Variants in GALNT12 observed in about 807,000 individuals in gnomAD.
GALNT12 encodes the protein polypeptide N-acetylgalactosaminyltransferase 12, also known as UDP-GalNAc:polypeptide N-acetylgalactosaminyltransferase 12.
A neutral mutation model predicts 55.5 loss-of-function variants in GALNT12; 45 were observed. The observed-to-expected ratio is 0.81, with a 90% confidence interval of 0.64 to 1.04. The LOEUF (loss-of-function observed/expected upper bound fraction) is 1.04, where lower values mean the gene tolerates loss of function less well. Ranked by LOEUF, GALNT12 falls within the 50% of genes least tolerant of loss-of-function variation. GALNT12 has a pLI of 0.00. For missense variants in GALNT12, 709 were observed against 754.8 expected (o/e 0.94, Z 0.71); for synonymous variants, 304 against 312.2 (o/e 0.97, Z 0.28).
chr9:98,826,142 T>C (rs1404454436), intron 2 of GALNT12, among the ~76,000 whole-genome samples: 1 of 152,184 alleles, frequency 6.6e-6, no homozygotes, highest in Non-Finnish European at 1.5e-5. Context: ...GCAAGTTACT[T>C]AGCCTCTCCG....
intron 3 of GALNT12, among the ~76,000 whole-genome samples, chr9:98,828,309 C>T (rs1442223347): frequency 6.6e-6 from 1 of 152,222 alleles, no homozygotes; most frequent in African/African-American, 2.4e-5. Context: ...CTGTCTCTTT[C>T]TCCTCCTCAG....
Position 98,831,944 on chromosome 9 carries a change from G to A in GALNT12, c.904G>A (p.Val302Ile), listed in dbSNP as rs780195786. The change falls in exon 4 of 10, where the codon GTC becomes ATC. Residue 302 changes from valine (V) to isoleucine (I), a missense_variant. Val to Ile is a conservative substitution (Grantham distance 29). Transcript: ENST00000375011. The stretch of plus-strand genomic sequence containing the variant: ...GGAGAGGATACGGATGCAATCCCCC[G>A]TCGATGTCATCAGGTCAGGAGCTGA... ...ERERIRMQSP[V>I]DVIRSPTMAG... 104 of 1,613,740 alleles carry A rather than the reference G, an allele frequency of 6.4e-5. No individual in the cohort carries two copies. Among genetic ancestry groups the A allele is most frequent in the East Asian group, 3.3e-4 (15 of 44,866 alleles).
chr9:98,814,879 A>G (rs1187129253), intron 1 of GALNT12, among the ~76,000 whole-genome samples: 1 of 152,216 alleles, frequency 6.6e-6, no homozygotes, highest in Non-Finnish European at 1.5e-5. Context: ...GCACTCAACA[A>G]ATGGTACTGT....
At chr9:98,831,699 C>G in intron 3 of GALNT12, 73 bp from the exon 4 acceptor site, 1 of 1,535,650 alleles carries the variant, frequency 6.5e-7, no homozygotes, top group Non-Finnish European at 9.0e-7. Context: ...AGAATTCACC[C>G]TTGAATTTCC....
At position 98,830,605 on chromosome 9, in the gene GALNT12, C is replaced by T. The variant is rs533472413; in HGVS notation, c.732-1167C>T. On this transcript the variant is annotated intron_variant, in intron 3 of 9. Coordinates refer to ENST00000375011, the MANE Select transcript of GALNT12 (RefSeq NM_024642.5). ...AGTTCCTGGGGGAGCTGGCCTTTGCCAGGGGCCAGCTAGAACTTGCCCAGC... is the reference window on the plus strand; with the variant it reads ...AGTTCCTGGGGGAGCTGGCCTTTGCTAGGGGCCAGCTAGAACTTGCCCAGC... Among the ~76,000 whole-genome samples the T allele has an allele frequency of 7.9e-5, 12 of 152,356 alleles. No individual in the cohort carries two copies. The South Asian group carries it at 2.5e-3, about 32-fold the overall frequency.
rs765088669 is a variant in GALNT12 at position 98,823,311 on chromosome 9, G to A, written c.427G>A (p.Ala143Thr). The A allele has an allele frequency of 2.1e-5, 34 of 1,614,002 alleles. 1 individual carries two copies. The South Asian group carries it at 3.6e-4, about 17-fold the overall frequency. The change falls in exon 2 of 10, where the codon GCA becomes ACA. Residue 143 changes from alanine to threonine, a missense_variant. Ala to Thr is a moderately conservative substitution (Grantham distance 58). This residue lies in a region of GALNT12 where 315 missense variants were observed against 288.6 expected (regional missense o/e 1.09). Coordinates refer to ENST00000375011, the MANE Select transcript of GALNT12 (RefSeq NM_024642.5). Reference protein sequence around the residue: ...DNLPRTSVIIAFYNEAWSTLL... With the variant: ...DNLPRTSVIITFYNEAWSTLL... ...TTTGCCCAGGACATCTGTTATCATA[G>A]CATTTTATAATGAAGCCTGGTCAAC...
At chr9:98,832,289 G>T (rs1836017818) in intron 4 of GALNT12, among the ~76,000 whole-genome samples, 1 of 152,156 alleles carries the variant, frequency 6.6e-6, no homozygotes, top group Admixed American at 6.5e-5. Context: ...GGAAGCCAAG[G>T]TGGGAGGATT....
intron 4 of GALNT12, among the ~76,000 whole-genome samples, chr9:98,834,293 A>AT (rs1023061989): frequency 5.3e-5 from 8 of 151,926 alleles, no homozygotes; most frequent in African/African-American, 1.7e-4. Flanking sequence ...TAATTTTTGC[A>AT]TTTTTTTAGT....
chr9:98,832,131 A>G (rs1013456417), intron 4 of GALNT12, among the ~76,000 whole-genome samples, 174 bp downstream of exon 4: 8 of 151,834 alleles, frequency 5.3e-5, no homozygotes, highest in African/African-American at 1.5e-4. Flanking sequence ...TCTGCTACAC[A>G]TGTCAATTTT....
intron 1 of GALNT12, among the ~76,000 whole-genome samples, chr9:98,809,592 T>C (rs1167094626): frequency 6.6e-6 from 1 of 152,210 alleles, no homozygotes; most frequent in African/African-American, 2.4e-5. Context: ...TGAGTCTCCA[T>C]GCATTCTACA....
At chr9:98,827,269 G>A (rs550352440) in intron 3 of GALNT12, among the ~76,000 whole-genome samples, 35 of 151,380 alleles carry the variant, frequency 2.3e-4, no homozygotes, top group South Asian at 1.9e-3. Flanking sequence ...TCGGCTCACC[G>A]CACCCTCTGC....
intron 1 of GALNT12, among the ~76,000 whole-genome samples, chr9:98,809,166 C>G (rs573244670): frequency 2.6e-5 from 4 of 152,332 alleles, no homozygotes; most frequent in African/African-American, 9.6e-5. Flanking sequence ...ATTTTAGGGG[C>G]CTGCTCCATG....
chr9:98,836,071 A>G (rs1360817529), intron 5 of GALNT12, among the ~76,000 whole-genome samples: 1 of 152,168 alleles, frequency 6.6e-6, no homozygotes, highest in Non-Finnish European at 1.5e-5. Context: ...ACTTGTTAGA[A>G]AGACAGATTC....
At position 98,846,126 on chromosome 9, in the gene GALNT12, A is replaced by G; in HGVS notation, c.1605+3A>G. The G allele has an allele frequency of 6.2e-7, 1 of 1,614,146 alleles. No homozygotes were observed. Among genetic ancestry groups the G allele is most frequent in the Non-Finnish European group, 8.5e-7 (1 of 1,180,010 alleles). On this transcript the variant is annotated splice_donor_region_variant and intron_variant, in intron 9 of 9. Transcript: ENST00000375011. ...ATCAGAAGTTCATCTTGCAGGAGGT[A>G]GGTGAACTCTCTCCTTCCTTCCTGC...
chr9:98,846,856 C>A (rs1389216694), intron 9 of GALNT12, among the ~76,000 whole-genome samples: 1,524 of 108,802 alleles, frequency 0.014, no homozygotes, highest in Middle Eastern at 0.025. Context: ...GACTCCGTCT[C>A]AAAAAAAAAA....
intron 4 of GALNT12, among the ~76,000 whole-genome samples, chr9:98,832,331 G>A (rs1010822505): frequency 1.3e-5 from 2 of 152,014 alleles, no homozygotes; most frequent in Non-Finnish European, 2.9e-5. Flanking sequence ...ACCAGCCTGG[G>A]CAACATAGCA....
chr9:98,823,174 G>A, intron 1 of GALNT12, 82 bp from the exon 2 acceptor site: 1 of 1,288,454 alleles, frequency 7.8e-7, no homozygotes, highest in Non-Finnish European at 1.1e-6. Flanking sequence ...AGGGGACCAT[G>A]ACCTATGTCC....
intron 1 of GALNT12, among the ~76,000 whole-genome samples, chr9:98,817,653 G>A (rs548302588): frequency 1.3e-5 from 2 of 152,116 alleles, no homozygotes; most frequent in African/African-American, 4.8e-5. Flanking sequence ...TAGTAGAGAC[G>A]GGGTTTCACT....
rs759750251 is a variant in GALNT12 at position 98,831,836 on chromosome 9, G to A, written c.796G>A (p.Glu266Lys). 30 of 1,614,026 alleles carry A rather than the reference G, an allele frequency of 1.9e-5. No homozygotes were observed. Among genetic ancestry groups the A allele is most frequent in the African/African-American group, 8.0e-5 (6 of 74,912 alleles). Residue 266 changes from glutamate to lysine, a missense_variant, in exon 4 of 10, where the codon GAA becomes AAA. Physicochemically the swap from Glu to Lys is moderately conservative, Grantham distance 56 (BLOSUM62 1). This residue lies in a region of GALNT12 where 315 missense variants were observed against 288.6 expected (regional missense o/e 1.09). Coordinates refer to ENST00000375011, the MANE Select transcript of GALNT12 (RefSeq NM_024642.5). ...TGATGTGATCGACTGGAACACCTTC[G>A]AATACCTGGGGAACTCCGGGGAGCC... The part of the protein sequence containing the change: ...VIDVIDWNTF[E>K]YLGNSGEPQI...
Sources: allele counts gnomAD v4.1 joint callset (sites outside exome capture counted in the v4.1 genomes callset), GRCh38; gene constraint gnomAD v4.1.1; regional missense constraint gnomAD v4.1.1; transcripts MANE v1.5; gene names NCBI Gene and HGNC (gene_info 2026-07-23, HGNC 2026-07-21).